The following PPP2R1B variants were observed in gnomAD, a reference collection of about 807,000 sequenced individuals.
PPP2R1B encodes the protein serine/threonine-protein phosphatase 2A 65 kDa regulatory subunit A beta isoform.
A neutral mutation model predicts 72.7 loss-of-function variants in PPP2R1B; 58 were observed. The ratio of observed to expected loss-of-function variants is 0.80; its 90% CI spans 0.65 to 0.99. The LOEUF (loss-of-function observed/expected upper bound fraction) is 0.99, where lower values mean the gene tolerates loss of function less well. Ranked by LOEUF, PPP2R1B falls within the 50% of genes least tolerant of loss-of-function variation. The pLI is 0.00. For missense variants in PPP2R1B, 695 were observed against 733.6 expected (o/e 0.95, Z 0.61); for synonymous variants, 256 against 264.6 (o/e 0.97, Z 0.32).
chr11:111,720,452 T>A, the PPP2R1B span: 1 of 1,566,842 alleles, frequency 6.4e-7, no homozygotes, highest in African/African-American at 1.4e-5. Flanking sequence ...TGCTGTTGGT[T>A]TTATCTGTTC....
intron 13 of PPP2R1B, 50 bp downstream of exon 13, chr11:111,742,473 G>C: frequency 6.4e-7 from 1 of 1,571,388 alleles, no homozygotes; most frequent in Non-Finnish European, 8.7e-7. Context: ...CCACTATAAG[G>C]TAAAATTTAA....
At chr11:111,705,957 A>G in the PPP2R1B span, among the ~76,000 whole-genome samples, 1 of 152,204 alleles carries the variant, frequency 6.6e-6, no homozygotes, top group Non-Finnish European at 1.5e-5. This position sits in a 1 kb window ranked among gnomAD's most constrained non-coding sequence, Gnocchi z 4.3. Context: ...CAAGTATAAG[A>G]ACCATCTTAG....
chr11:111,762,400 C>A (rs1338458281), intron 3 of PPP2R1B, among the ~76,000 whole-genome samples: 2 of 152,190 alleles, frequency 1.3e-5, no homozygotes, highest in Non-Finnish European at 2.9e-5. Context: ...GTAACCCCCT[C>A]TCGTGCAGTA....
At position 111,759,759 on chromosome 11, in the gene PPP2R1B, G is replaced by T. The variant is rs11213997; in HGVS notation, c.687+45C>A. 1.4e-4 allele frequency: 205 copies of T among 1,517,920 alleles called. 1 individual carries two copies. In the East Asian group the frequency reaches 3.8e-3, roughly 28 times the overall value. 94.0% of individuals were successfully genotyped at this position (1,517,920 alleles called of 1,614,324 possible). On this transcript the variant is annotated intron_variant, in intron 5 of 14. Coordinates refer to ENST00000527614, the MANE Select transcript of PPP2R1B (RefSeq NM_002716.5). ...CCAAAGAAATTCTGAAAATTTAGAGGAAAGGAGCATATCTGTGTCCCTTAA... is the reference window on the plus strand; with the variant it reads ...CCAAAGAAATTCTGAAAATTTAGAGTAAAGGAGCATATCTGTGTCCCTTAA...
At position 111,754,986 on chromosome 11, in the gene PPP2R1B, C is replaced by T; in HGVS notation, c.952G>A (p.Val318Ile). 6.2e-7 allele frequency: 1 copy of T among 1,608,668 alleles called. No individual in the cohort carries two copies. The highest frequency in any genetic ancestry group is 8.5e-7 in the Non-Finnish European group (1 of 1,175,682). Residue 318 changes from valine (V) to isoleucine (I), a missense_variant, in exon 7 of 15, where the codon GTA becomes ATA. Physicochemically the swap from Val to Ile is conservative, Grantham distance 29. Coordinates refer to ENST00000527614, the MANE Select transcript of PPP2R1B (RefSeq NM_002716.5). Reference protein sequence around the residue: ...AEVRAAAAHKVKELGENLPIE... With the variant: ...AEVRAAAAHKIKELGENLPIE... ...ATAAATTGAACTCCTTAACCTTTTACTTTGTGGGCAGCAGCTGCCCGGACT... is the reference window on the plus strand; with the variant it reads ...ATAAATTGAACTCCTTAACCTTTTATTTTGTGGGCAGCAGCTGCCCGGACT...
At chr11:111,749,754 A>G (rs1944834415) in intron 10 of PPP2R1B, among the ~76,000 whole-genome samples, 1 of 152,238 alleles carries the variant, frequency 6.6e-6, no homozygotes, top group South Asian at 2.1e-4. Flanking sequence ...TTAAAATTGT[A>G]AAGCAAAATG....
intron 15 of PPP2R1B, chr11:111,727,171 T>TGTCA: frequency 1.2e-6 from 1 of 840,390 alleles, no homozygotes; most frequent in South Asian, 1.5e-5. Context: ...CACTGCCTTC[T>TGTCA]GTCACCGTGG....
At chr11:111,710,152 G>A in the PPP2R1B span, among the ~76,000 whole-genome samples, 2 of 152,198 alleles carry the variant, frequency 1.3e-5, no homozygotes, top group Non-Finnish European at 2.9e-5. Flanking sequence ...ACTTTAGTGG[G>A]AAGTGTAAAT....
intron 3 of PPP2R1B, among the ~76,000 whole-genome samples, chr11:111,763,141 G>A (rs1490099265): frequency 1.3e-5 from 2 of 152,176 alleles, no homozygotes; most frequent in Non-Finnish European, 2.9e-5. Context: ...ATGCATTGAA[G>A]TTGATCCCTG....
At position 111,761,045 on chromosome 11, in the gene PPP2R1B, A is replaced by G. The variant is rs372467006; in HGVS notation, c.313T>C (p.Leu105=). ...PDFAHCLLPP[L]ENLATVEETV... The stretch of plus-strand genomic sequence containing the variant: ...TCTTCCACAGTTGCCAGATTTTCCA[A>G]AGGAGGCTGAATGGATTAAAAAGGA... Residue 105 remains leucine (L), a synonymous_variant, in exon 4 of 15, where the codon TTG becomes CTG. Coordinates refer to ENST00000527614, the MANE Select transcript of PPP2R1B (RefSeq NM_002716.5). The G allele has an allele frequency of 4.3e-6, 7 of 1,613,736 alleles. No homozygotes were observed. Among genetic ancestry groups the G allele is most frequent in the East Asian group, 2.2e-5 (1 of 44,894 alleles).
chr11:111,756,522 C>G (rs1475242561), intron 5 of PPP2R1B, among the ~76,000 whole-genome samples: 2 of 152,090 alleles, frequency 1.3e-5, no homozygotes, highest in African/African-American at 4.8e-5. Flanking sequence ...AAGGAAATCA[C>G]TTAGAAAGCT....
chr11:111,690,684 TC>T, the PPP2R1B span, among the ~76,000 whole-genome samples: 1 of 145,670 alleles, frequency 6.9e-6, no homozygotes, highest in Admixed American at 6.9e-5. Context: ...ATTGTTCAAC[TC>T]CCACTTATGA....
rs1943989563 is a variant in PPP2R1B, at chr11:111,726,966, TAGTC to T, written c.1999_2002del (p.Asp667AsnfsTer12). The T allele has an allele frequency of 6.2e-7, 1 of 1,613,426 alleles. No individual in the cohort carries two copies. Among genetic ancestry groups the T allele is most frequent in the African/African-American group, 1.3e-5 (1 of 75,028 alleles). Reference sequence around the variant, plus strand: ...TGTTCTTTTTTTAAATCTGGGGTATTAGTCTGTGCTTTGGGAGAAATGCACTAGC... The same window carrying T: ...TGTTCTTTTTTTAAATCTGGGGTATTTGTGCTTTGGGAGAAATGCACTAGC... On this transcript the variant is annotated frameshift_variant and stop_lost, in exon 16 of 16. Coordinates refer to the PPP2R1B transcript ENST00000311129. LOFTEE classifies it high-confidence loss of function.
At chr11:111,750,838 G>GTT (rs1215744310) in intron 10 of PPP2R1B, among the ~76,000 whole-genome samples, 1 of 128,258 alleles carries the variant, frequency 7.8e-6, no homozygotes, top group East Asian at 3.0e-4. Context: ...TTTTGTTTTT[G>GTT]TTTTGTTTTT....
downstream of PPP2R1B, chr11:111,723,669 T>C (rs1268915277): frequency 6.2e-7 from 1 of 1,613,442 alleles, no homozygotes; most frequent in Non-Finnish European, 8.5e-7. Flanking sequence ...ACCCAGCCCC[T>C]GAGCCCCGTC....
rs770271951 is a variant in PPP2R1B, at chr11:111,742,106, A to G, written c.1736T>C (p.Leu579Ser). Residue 579 changes from leucine to serine, a missense_variant, in exon 14 of 15, where the codon TTA (leucine) becomes TCA (serine). Leu to Ser is a moderately radical substitution (Grantham distance 145, BLOSUM62 -2). Transcript: ENST00000527614. ...GACATCCATGTCTTCATCTTGACCT[A>G]ACTTCTGTAGTACTGGCTTCACTTC... is the stretch of plus-strand genomic sequence containing the variant. The part of the protein sequence containing the change: ...QGEVKPVLQK[L>S]GQDEDMDVKY... The G allele has an allele frequency of 6.2e-7, 1 of 1,613,922 alleles. No individual in the cohort carries two copies. Among genetic ancestry groups the G allele is most frequent in the East Asian group, 2.2e-5 (1 of 44,872 alleles).
At chr11:111,712,629 G>A in the PPP2R1B span, among the ~76,000 whole-genome samples, 1 of 152,058 alleles carries the variant, frequency 6.6e-6, no homozygotes, top group African/African-American at 2.4e-5. Flanking sequence ...TGTCTTTCTC[G>A]CTCACTAATT....
intron 15 of PPP2R1B, chr11:111,729,731 C>T (rs1363425148): frequency 4.6e-5 from 7 of 152,284 alleles, no homozygotes; most frequent in African/African-American, 1.7e-4. Context: ...CAACCTTATT[C>T]TCCACTCAAC....
At chr11:111,736,250 A>G (rs117262879), downstream of PPP2R1B, among the ~76,000 whole-genome samples, 1,307 of 152,306 alleles carry the variant, frequency 8.6e-3, 14 homozygotes, top group Middle Eastern at 0.085. Context: ...CTCGGCTAGC[A>G]GAGGCAGCCC....
Sources: gnomAD v4.1 joint callset for allele counts (sites outside exome capture counted in the v4.1 genomes callset) on GRCh38, gnomAD v4.1.1 for gene constraint, Gnocchi (gnomAD v3.1) non-coding constraint, MANE v1.5 for transcripts, NCBI Gene and HGNC (gene_info 2026-07-23, HGNC 2026-07-21) for gene names.